OXSR1: variants seen among roughly 807,000 people sequenced by gnomAD.
OXSR1 encodes serine/threonine-protein kinase OSR1.
Under a neutral mutation model 79.8 loss-of-function variants are expected in OXSR1, and 24 were observed. The ratio of observed to expected loss-of-function variants is 0.30; its 90% CI spans 0.22 to 0.42. The LOEUF (loss-of-function observed/expected upper bound fraction) is 0.42. OXSR1 is among the 10% of genes least tolerant of loss of function. The pLI is 1.00. For synonymous variants in OXSR1, 226 were observed against 209.2 expected (o/e 1.08, Z -0.69); for missense variants, 430 against 618.4 (o/e 0.70, Z 3.23).
intron 2 of OXSR1, among the ~76,000 whole-genome samples, chr3:38,188,709 C>T (rs1043683372): frequency 6.6e-6 from 1 of 152,130 alleles, no homozygotes; most frequent in Non-Finnish European, 1.5e-5. Context: ...ATGATCTAGT[C>T]CCAGGTAATT....
chr3:38,243,621 A>G (rs1703079958), intron 12 of OXSR1, among the ~76,000 whole-genome samples: 1 of 151,908 alleles, frequency 6.6e-6, no homozygotes, highest in African/African-American at 2.4e-5. Flanking sequence ...CACATCTCTT[A>G]CTCTTAAACC....
At position 38,224,115 on chromosome 3, in the gene OXSR1, C is replaced by A. The variant is rs35478291; in HGVS notation, c.702+202C>A. Among the ~76,000 whole-genome samples, 220 of 152,254 alleles carry A rather than the reference C, an allele frequency of 1.4e-3. 1 individual carries two copies. Among genetic ancestry groups the A allele is most frequent in the African/African-American group, 5.2e-3 (216 of 41,534 alleles). ...GTGCAGTTGTCACCACCATCTGTAT[C>A]CAAACTCTTCATTTTAAAACTGGAA... On this transcript the variant is annotated intron_variant, in intron 7 of 17. Transcript: ENST00000311806.
chr3:38,244,806 G>A (rs955053886), intron 12 of OXSR1, among the ~76,000 whole-genome samples: 1 of 152,104 alleles, frequency 6.6e-6, no homozygotes, highest in African/African-American at 2.4e-5. Flanking sequence ...TCTTTGGGGT[G>A]TATACCTAGA....
intron 4 of OXSR1, 50 bp downstream of exon 4, chr3:38,198,913 C>G (rs374725273): frequency 7.6e-5 from 115 of 1,505,452 alleles, no homozygotes; most frequent in Non-Finnish European, 8.9e-5. Context: ...TAAGGCCATT[C>G]CCACTCTTTT....
chr3:38,231,644 C>T (rs566610761), intron 10 of OXSR1, among the ~76,000 whole-genome samples: 55 of 152,222 alleles, frequency 3.6e-4, no homozygotes, highest in African/African-American at 1.3e-3. Flanking sequence ...TTTTTCATTG[C>T]TGTATCTTCA....
intron 3 of OXSR1, among the ~76,000 whole-genome samples, chr3:38,192,256 G>A (rs1356203918): frequency 4.6e-5 from 7 of 152,066 alleles, no homozygotes; most frequent in Non-Finnish European, 1.0e-4. Flanking sequence ...TCCTCTTGAC[G>A]TGAACCCATC....
intron 14 of OXSR1, 132 bp downstream of exon 14, chr3:38,247,864 G>A (rs1475637275): frequency 8.6e-6 from 5 of 579,428 alleles, no homozygotes; most frequent in African/African-American, 3.7e-5. Flanking sequence ...GCTTGGTGGT[G>A]TATTATTTTT....
intron 5 of OXSR1, among the ~76,000 whole-genome samples, chr3:38,218,374 A>T (rs1164621072): frequency 6.6e-6 from 1 of 152,026 alleles, no homozygotes; most frequent in Non-Finnish European, 1.5e-5. Context: ...GTAAGGTGTT[A>T]TCTATCTCAT....
At chr3:38,204,811 C>T (rs1330588494) in intron 4 of OXSR1, among the ~76,000 whole-genome samples, 1 of 149,764 alleles carries the variant, frequency 6.7e-6, no homozygotes, top group Admixed American at 6.6e-5. Context: ...AGTCCCTTGG[C>T]TGCCCCATTG....
chr3:38,176,000 A>G lies in OXSR1; in HGVS notation c.71-7003A>G, dbSNP rs574491461. ...AGTCGAGGGCATTAGGGAAGTAGCT[A>G]TCACACTTTGACTAAACCATTCCTT... On this transcript the variant is annotated intron_variant, in intron 1 of 17. Transcript: ENST00000311806. Among the ~76,000 whole-genome samples the G allele has an allele frequency of 7.7e-4, 118 of 152,324 alleles. 1 individual carries two copies. The highest frequency in any genetic ancestry group is 5.6e-3 in the Admixed American group (86 of 15,294).
intron 4 of OXSR1, among the ~76,000 whole-genome samples, chr3:38,204,676 C>A (rs1702232466): frequency 1.3e-5 from 2 of 151,666 alleles, no homozygotes; most frequent in Admixed American, 1.3e-4. Flanking sequence ...TGTGGCTGAG[C>A]TGATATTCAA....
chr3:38,202,300 C>G (rs1004352366), intron 4 of OXSR1, among the ~76,000 whole-genome samples: 2 of 152,066 alleles, frequency 1.3e-5, no homozygotes, highest in Non-Finnish European at 2.9e-5. Flanking sequence ...GGCAAGATGA[C>G]TTGGAAAGCA....
intron 8 of OXSR1, among the ~76,000 whole-genome samples, chr3:38,227,545 C>CCACACACACACACACA (rs58097834): frequency 1.4e-5 from 2 of 138,424 alleles, no homozygotes; most frequent in African/African-American, 2.6e-5. Context: ...GTATGCACAT[C>CCACACACACACACACA]CACACACACA....
chr3:38,230,589 T>G, intron 10 of OXSR1, 159 bp downstream of exon 10: 1 of 594,872 alleles, frequency 1.7e-6, no homozygotes, highest in Non-Finnish European at 3.1e-6. Context: ...GCAAATATCT[T>G]TGGTCTACCA....
chr3:38,200,269 G>A (rs1057505490), intron 4 of OXSR1, among the ~76,000 whole-genome samples: 4 of 152,148 alleles, frequency 2.6e-5, no homozygotes, highest in African/African-American at 9.7e-5. Context: ...GAGCAGGCTT[G>A]GGGCTCTTTT....
chr3:38,187,779 T>A (rs146701023), intron 2 of OXSR1, among the ~76,000 whole-genome samples: 31 of 152,086 alleles, frequency 2.0e-4, no homozygotes, highest in African/African-American at 7.0e-4. Context: ...AGAGGCGGAG[T>A]CTCACTCTGT....
chr3:38,181,316 T>C (rs1701781015), intron 1 of OXSR1, among the ~76,000 whole-genome samples: 1 of 151,950 alleles, frequency 6.6e-6, no homozygotes. Context: ...AAGTTCTACT[T>C]CTTTGCTGAG....
At chr3:38,231,269 A>G (rs1487209632) in intron 10 of OXSR1, among the ~76,000 whole-genome samples, 1 of 152,094 alleles carries the variant, frequency 6.6e-6, no homozygotes, top group Non-Finnish European at 1.5e-5. Flanking sequence ...ACTTGTCTCT[A>G]TTTTAGAGAT....
intron 3 of OXSR1, among the ~76,000 whole-genome samples, chr3:38,194,359 C>G (rs1702036200): frequency 6.6e-6 from 1 of 152,054 alleles, no homozygotes; most frequent in Non-Finnish European, 1.5e-5. Flanking sequence ...ACAGCCCAGC[C>G]TGGGCAACAT....
Sources: gnomAD v4.1 joint callset for allele counts (sites outside exome capture counted in the v4.1 genomes callset) on GRCh38, gnomAD v4.1.1 for gene constraint, MANE v1.5 for transcripts, NCBI Gene and HGNC (gene_info 2026-07-23, HGNC 2026-07-21) for gene names.